The following ZNF536 variants were observed in gnomAD, a reference collection of about 807,000 sequenced individuals.
ZNF536 encodes the protein zinc finger protein 536.
ZNF536 carries 13 observed loss-of-function variants against 84.5 expected under a neutral mutation model. The observed-to-expected ratio is 0.15, with a 90% CI of 0.10 to 0.24. The LOEUF (loss-of-function observed/expected upper bound fraction) is 0.24. Among genes scored for constraint, ZNF536 ranks in the 10% least tolerant of loss-of-function variants. The pLI, the probability that ZNF536 is intolerant of heterozygous loss-of-function variation, is 1.00. For synonymous variants in ZNF536, 811 were observed against 742.5 expected (o/e 1.09, Z -1.50); for missense variants, 1,536 against 1,747.5 (o/e 0.88, Z 2.16).
At chr19:30,384,179 T>C (rs1430709005) in intron 1 of ZNF536, among the ~76,000 whole-genome samples, 1 of 95,788 alleles carries the variant, frequency 1.0e-5, no homozygotes, top group African/African-American at 3.6e-5. Flanking sequence ...CCTTCTTTCT[T>C]TCTTTCTCCT....
Position 30,443,892 on chromosome 19 carries a change from C to T in ZNF536, c.330C>T (p.Asn110=), listed in dbSNP as rs760463207. The change falls in exon 2 of 5, where the codon AAC becomes AAT. Residue 110 remains asparagine (N), a synonymous_variant. Transcript: ENST00000355537. ...TGCAGCAGTTCCTCAACGGGCAGAA[C>T]CTGGGCATCATGTCCCAGATGAGCG... is the stretch of plus-strand genomic sequence containing the variant. ...VDLQQFLNGQ[N]LGIMSQMSDI... The T allele has an allele frequency of 1.9e-6, 3 of 1,613,676 alleles. No individual in the cohort carries two copies. The South Asian group carries it at 3.3e-5, about 18-fold the overall frequency.
intron 2 of ZNF536, among the ~76,000 whole-genome samples, chr19:30,531,976 C>T (rs1023248636): frequency 1.3e-5 from 2 of 152,058 alleles, no homozygotes; most frequent in Admixed American, 6.5e-5. Flanking sequence ...ATGCTTAGTT[C>T]CCCCTTATAA....
At chr19:30,670,261 CCGCTTCTCATT>C (rs1453132442) in intron 1 of ZNF536, among the ~76,000 whole-genome samples, 1 of 152,226 alleles carries the variant, frequency 6.6e-6, no homozygotes, top group Non-Finnish European at 1.5e-5. Context: ...CCCTCCTGCG[CCGCTTCTCATT>C]CGCTTAGTGC....
chr19:30,309,856 G>A (rs994492961), intron 2 of ZNF536, among the ~76,000 whole-genome samples: 7 of 152,142 alleles, frequency 4.6e-5, no homozygotes, highest in African/African-American at 1.4e-4. Flanking sequence ...GAAAAGTTTG[G>A]TGATGAAAGT....
chr19:30,495,478 T>C (rs1039006249), intron 2 of ZNF536, among the ~76,000 whole-genome samples: 2 of 152,194 alleles, frequency 1.3e-5, no homozygotes, highest in Non-Finnish European at 2.9e-5. Flanking sequence ...GGAAGGAGGC[T>C]AAGTCAGCCT....
At chr19:30,364,077 G>A (rs1258767246) in intron 3 of ZNF536, among the ~76,000 whole-genome samples, 4 of 152,206 alleles carry the variant, frequency 2.6e-5, no homozygotes, top group Non-Finnish European at 5.9e-5. Context: ...TATAGCATAA[G>A]AGCAGGCAAG....
intron 1 of ZNF536, among the ~76,000 whole-genome samples, chr19:30,262,583 C>T (rs1409452879): frequency 6.6e-6 from 1 of 152,148 alleles, no homozygotes; most frequent in African/African-American, 2.4e-5. Context: ...AGGGCTCATC[C>T]GTGGTTGGAG....
At chr19:30,700,238 T>C (rs868091593) in intron 1 of ZNF536, among the ~76,000 whole-genome samples, 43 of 97,970 alleles carry the variant, frequency 4.4e-4, no homozygotes, top group East Asian at 1.1e-3. Flanking sequence ...CTTTCTTTCT[T>C]TCTCTCTCTC....
intron 1 of ZNF536, among the ~76,000 whole-genome samples, chr19:30,596,435 G>T (rs1314824190): frequency 6.6e-6 from 1 of 152,178 alleles, no homozygotes; most frequent in Non-Finnish European, 1.5e-5. Flanking sequence ...ACAGCCTTGA[G>T]CACAGTGACA....
At chr19:30,508,981 G>C (rs1367677686) in intron 2 of ZNF536, among the ~76,000 whole-genome samples, 1 of 150,906 alleles carries the variant, frequency 6.6e-6, no homozygotes, top group African/African-American at 2.4e-5. Context: ...TTGTGTGCCA[G>C]GCAACACAGG....
At chr19:30,351,501 C>T (rs573571515) in intron 2 of ZNF536, among the ~76,000 whole-genome samples, 2 of 152,292 alleles carry the variant, frequency 1.3e-5, no homozygotes, top group South Asian at 4.1e-4. Flanking sequence ...TCTTTTTACT[C>T]AAGTAATATA....
At chr19:30,379,622 A>T (rs2048945457) in intron 1 of ZNF536, among the ~76,000 whole-genome samples, 1 of 150,534 alleles carries the variant, frequency 6.6e-6, no homozygotes. Context: ...GCTTGAGGGT[A>T]GACAAGCAGA....
At chr19:30,666,414 C>G (rs977139690) in intron 1 of ZNF536, among the ~76,000 whole-genome samples, 1 of 152,306 alleles carries the variant, frequency 6.6e-6, no homozygotes, top group Non-Finnish European at 1.5e-5. Context: ...CCCTTCCACT[C>G]CCTCCTCTCT....
intron 1 of ZNF536, among the ~76,000 whole-genome samples, chr19:30,700,777 C>A (rs1167505126): frequency 1.3e-5 from 2 of 152,162 alleles, no homozygotes; most frequent in Non-Finnish European, 2.9e-5. Flanking sequence ...TAGGGGGATA[C>A]CTTTTTAATG....
intron 1 of ZNF536, among the ~76,000 whole-genome samples, chr19:30,604,342 A>G (rs895052430): frequency 2.0e-5 from 3 of 152,246 alleles, no homozygotes; most frequent in Non-Finnish European, 4.4e-5. Flanking sequence ...ATTCACATTT[A>G]TAAGATTTAT....
intron 1 of ZNF536, among the ~76,000 whole-genome samples, chr19:30,575,263 C>T (rs960896725): frequency 6.6e-6 from 1 of 152,238 alleles, no homozygotes; most frequent in Non-Finnish European, 1.5e-5. Context: ...GAACCTGTTT[C>T]TCCTTTGCTA....
intron 1 of ZNF536, among the ~76,000 whole-genome samples, chr19:30,441,860 C>T (rs903229271): frequency 1.3e-5 from 2 of 152,194 alleles, no homozygotes; most frequent in Non-Finnish European, 2.9e-5. Flanking sequence ...AAGATAGACT[C>T]CTCCTGCCAA....
intron 1 of ZNF536, among the ~76,000 whole-genome samples, chr19:30,607,471 G>T (rs1204961718): frequency 6.6e-6 from 1 of 151,852 alleles, no homozygotes; most frequent in Non-Finnish European, 1.5e-5. Context: ...TATAATTCCA[G>T]CACTTTGGGA....
At chr19:30,260,152 A>C (rs2025133477) in intron 1 of ZNF536, among the ~76,000 whole-genome samples, 1 of 152,148 alleles carries the variant, frequency 6.6e-6, no homozygotes, top group South Asian at 2.1e-4. Flanking sequence ...AATCTTGAAA[A>C]ATGTAGAGGT....
Sources: gnomAD v4.1 joint callset for allele counts (sites outside exome capture counted in the v4.1 genomes callset) on GRCh38, gnomAD v4.1.1 for gene constraint, MANE v1.5 for transcripts, NCBI Gene and HGNC (gene_info 2026-07-23, HGNC 2026-07-21) for gene names.